Variants in RNF14 observed in about 807,000 individuals in gnomAD.
The protein encoded by RNF14 is ring finger protein 14, also known as E3 ubiquitin-protein ligase RNF14.
Under a neutral mutation model 52.6 loss-of-function variants are expected in RNF14, and 26 were observed. The ratio of observed to expected loss-of-function variants is 0.49; its 90% CI spans 0.36 to 0.69. The LOEUF (loss-of-function observed/expected upper bound fraction) is 0.69, where lower values mean the gene tolerates loss of function less well. Ranked by LOEUF, RNF14 falls within the 30% of genes least tolerant of loss-of-function variation. The pLI, the probability that RNF14 is intolerant of heterozygous loss-of-function variation, is 0.00. For synonymous variants in RNF14, 194 were observed against 202.0 expected (o/e 0.96, Z 0.34); for missense variants, 404 against 560.4 (o/e 0.72, Z 2.82).
chr5:141,955,472 A>G (rs1753163022), upstream of RNF14: 1 of 1,613,992 alleles, frequency 6.2e-7, no homozygotes, highest in Non-Finnish European at 8.5e-7. The surrounding 1 kb of genome is among the most constrained non-coding windows in gnomAD (Gnocchi z 5.5). Context: ...TCTTTGTGGG[A>G]CTGCCCGACT....
chr5:141,981,668 A>G (rs1431502244), intron 6 of RNF14: 2 of 151,958 alleles, frequency 1.3e-5, no homozygotes, highest in African/African-American at 2.4e-5. Flanking sequence ...GTTTGACACT[A>G]TGGCAAAACC....
upstream of RNF14, chr5:141,957,736 T>A: frequency 6.2e-7 from 1 of 1,613,770 alleles, no homozygotes; most frequent in Non-Finnish European, 8.5e-7. This position sits in a 1 kb window ranked among gnomAD's most constrained non-coding sequence, Gnocchi z 4.3. Flanking sequence ...AGATGGCACT[T>A]CCTCTGACAC....
In RNF14 at chr5:141,980,703, G is replaced by A. The variant is rs556745106; in HGVS notation, c.1063+352G>A. Reference sequence around the variant, plus strand: ...AGGGAAAACAGGGGAGGCCTCACCGGCAAAATGGTTTAAGTAAGGACTTGA... The same window carrying A: ...AGGGAAAACAGGGGAGGCCTCACCGACAAAATGGTTTAAGTAAGGACTTGA... On this transcript the variant is annotated intron_variant, in intron 6 of 8. Transcript: ENST00000394520. Among the ~76,000 whole-genome samples, 6 of 152,256 alleles carry A rather than the reference G, an allele frequency of 3.9e-5. 1 individual carries two copies. The East Asian group carries it at 1.2e-3, about 29-fold the overall frequency.
At chr5:141,960,697 C>T (rs556521072) in intron 1 of RNF14, among the ~76,000 whole-genome samples, 2 of 152,332 alleles carry the variant, frequency 1.3e-5, no homozygotes, top group East Asian at 1.9e-4. Flanking sequence ...CCTCTCATGA[C>T]GCACTCACAG....
upstream of RNF14, among the ~76,000 whole-genome samples, chr5:141,963,527 T>C (rs1000646584): frequency 6.6e-6 from 1 of 152,162 alleles, no homozygotes; most frequent in Non-Finnish European, 1.5e-5. Flanking sequence ...TTGTTATGTG[T>C]TCAGCATTTC....
At chr5:141,971,569 TTC>T (rs1753758694) in intron 2 of RNF14, among the ~76,000 whole-genome samples, 2 of 4,166 alleles carry the variant, frequency 4.8e-4, no homozygotes, top group South Asian at 5.1e-3. Flanking sequence ...TTCTTTTTCT[TTC>T]TTTCTTTCTT....
At chr5:141,956,692 C>A, upstream of RNF14, 1 of 1,614,216 alleles carries the variant, frequency 6.2e-7, no homozygotes, top group Non-Finnish European at 8.5e-7. Context: ...GTGGACCAAA[C>A]CATTGTGTCC....
At chr5:141,949,728 G>T in the RNF14 span, 1 of 835,180 alleles carries the variant, frequency 1.2e-6, no homozygotes, top group Non-Finnish European at 1.8e-6. Context: ...CCTGGATCAT[G>T]TGATTCCCGC....
chr5:141,958,043 C>T (rs1753217119), upstream of RNF14: 10 of 642,506 alleles, frequency 1.6e-5, no homozygotes, highest in South Asian at 4.2e-5. Context: ...TCATTGGAAG[C>T]GATCTGAGAT....
At chr5:141,954,955 G>A, upstream of RNF14, 1 of 1,598,986 alleles carries the variant, frequency 6.3e-7, no homozygotes, top group Non-Finnish European at 8.5e-7. Flanking sequence ...AGAAAGAGCT[G>A]CCCATGCCCC....
the RNF14 span, among the ~76,000 whole-genome samples, chr5:141,951,905 A>C: frequency 6.6e-6 from 1 of 152,354 alleles, no homozygotes; most frequent in Admixed American, 6.5e-5. Context: ...TGAAAAAGGC[A>C]TTTCCTGACC....
intron 2 of RNF14, among the ~76,000 whole-genome samples, chr5:141,972,076 A>G (rs139478313): frequency 1.5e-4 from 23 of 152,308 alleles, no homozygotes; most frequent in Middle Eastern, 3.4e-3. Context: ...GACAAAATCT[A>G]TTATTTCAAA....
upstream of RNF14, chr5:141,957,454 G>A: frequency 1.2e-6 from 2 of 1,612,654 alleles, no homozygotes; most frequent in Non-Finnish European, 1.7e-6. This position sits in a 1 kb window ranked among gnomAD's most constrained non-coding sequence, Gnocchi z 4.3. Context: ...GGGAAACCGT[G>A]GCTGGTGGTC....
At chr5:141,955,002 C>T (rs769469035), upstream of RNF14, 2 of 1,613,968 alleles carry the variant, frequency 1.2e-6, no homozygotes, top group Admixed American at 1.7e-5. The surrounding 1 kb of genome is among the most constrained non-coding windows in gnomAD (Gnocchi z 5.5). Flanking sequence ...CAGTGAGCTC[C>T]TCCACGGGGT....
chr5:141,949,390 T>G, the RNF14 span: 2 of 1,580,036 alleles, frequency 1.3e-6, no homozygotes, highest in Non-Finnish European at 1.7e-6. Flanking sequence ...TTGGACACCA[T>G]GGGGCAGAAG....
At chr5:141,951,291 A>G in the RNF14 span, among the ~76,000 whole-genome samples, 1 of 152,100 alleles carries the variant, frequency 6.6e-6, no homozygotes, top group Non-Finnish European at 1.5e-5. Flanking sequence ...GTCCTACAGG[A>G]CTTCTAGGTC....
At chr5:141,956,443 C>T (rs768780239), upstream of RNF14, 18 of 1,614,166 alleles carry the variant, frequency 1.1e-5, no homozygotes, top group Middle Eastern at 1.6e-4. Flanking sequence ...GTTGTTTTCC[C>T]GCGTGGAGAC....
upstream of RNF14, chr5:141,956,993 T>A: frequency 6.2e-7 from 1 of 1,614,204 alleles, no homozygotes; most frequent in South Asian, 1.1e-5. Context: ...TCTGGAGGCA[T>A]GTGCTTACTG....
chr5:141,973,877 T>C (rs1176118489), intron 3 of RNF14, 135 bp downstream of exon 3: 1 of 742,768 alleles, frequency 1.3e-6, no homozygotes, highest in African/African-American at 1.8e-5. Context: ...GTTTCTGTTT[T>C]AAATGAAAAT....
Sources: allele counts gnomAD v4.1 joint callset (sites outside exome capture counted in the v4.1 genomes callset), GRCh38; gene constraint gnomAD v4.1.1; non-coding constraint Gnocchi (gnomAD v3.1); transcripts MANE v1.5; gene names NCBI Gene and HGNC (gene_info 2026-07-23, HGNC 2026-07-21).